RPH3A: variants seen among roughly 807,000 people sequenced by gnomAD.
RPH3A encodes the protein rabphilin-3A.
RPH3A carries 48 observed loss-of-function variants against 102.2 expected under a neutral mutation model. The observed-to-expected ratio is 0.47, with a 90% confidence interval of 0.37 to 0.60. The LOEUF (loss-of-function observed/expected upper bound fraction) is 0.60, where lower values mean the gene tolerates loss of function less well. Ranked by LOEUF, RPH3A falls within the 20% of genes least tolerant of loss-of-function variation. The pLI is 0.00. For missense variants in RPH3A, 781 were observed against 910.1 expected (o/e 0.86, Z 1.83); for synonymous variants, 310 against 324.3 (o/e 0.96, Z 0.47).
chr12:112,821,001 C>T (rs1303635114), intron 2 of RPH3A, among the ~76,000 whole-genome samples: 1 of 152,224 alleles, frequency 6.6e-6, no homozygotes, highest in East Asian at 1.9e-4. Flanking sequence ...CTTGTCGTTT[C>T]AGCCTTAGTC....
chr12:112,721,033 G>A (rs7312122), intron 1 of RPH3A, among the ~76,000 whole-genome samples: 22,921 of 152,010 alleles, frequency 0.15, 1,813 homozygotes, highest in South Asian at 0.2. Context: ...TTAAACTTTG[G>A]TTTCTCATCC....
At chr12:112,841,395 A>C (rs1384471885) in intron 4 of RPH3A, among the ~76,000 whole-genome samples, 1 of 152,012 alleles carries the variant, frequency 6.6e-6, no homozygotes, top group Non-Finnish European at 1.5e-5. Context: ...GCAGGATAGC[A>C]TGGTGATTTG....
At chr12:112,790,748 G>A (rs2041090460), upstream of RPH3A, among the ~76,000 whole-genome samples, 1 of 152,174 alleles carries the variant, frequency 6.6e-6, no homozygotes, top group South Asian at 2.1e-4. Flanking sequence ...TTCGGGGAAG[G>A]CTCTTTGGCC....
intron 1 of RPH3A, among the ~76,000 whole-genome samples, chr12:112,729,034 T>A (rs551867909): frequency 5.3e-5 from 8 of 152,242 alleles, no homozygotes; most frequent in Non-Finnish European, 1.2e-4. Flanking sequence ...CACAAAAGTG[T>A]CACTTAGCAT....
intron 18 of RPH3A, 146 bp from the exon 19 acceptor site, chr12:112,890,703 G>A (rs2043078866): frequency 3.7e-6 from 3 of 821,654 alleles, no homozygotes; most frequent in Non-Finnish European, 3.8e-6. Flanking sequence ...CTCTTTGGAG[G>A]CTAAGCCATC....
chr12:112,648,775 A>G (rs2039953348), intron 1 of RPH3A, among the ~76,000 whole-genome samples: 1 of 148,860 alleles, frequency 6.7e-6, no homozygotes, highest in African/African-American at 2.5e-5. Flanking sequence ...AATGGAAATT[A>G]CTGATTTAAA....
chr12:112,752,974 T>C (rs200790531), intron 1 of RPH3A, among the ~76,000 whole-genome samples: 14,901 of 148,792 alleles, frequency 0.1, 725 homozygotes, highest in Middle Eastern at 0.13. Flanking sequence ...TTTTCTTTTT[T>C]TTTTTTTTTT....
chr12:112,826,098 G>A (rs971160576), intron 2 of RPH3A, among the ~76,000 whole-genome samples: 7 of 141,912 alleles, frequency 4.9e-5, no homozygotes, highest in South Asian at 2.2e-4. Context: ...TCCCTACACC[G>A]ACCCCGCTGT....
chr12:112,875,728 A>C lies in RPH3A; in HGVS notation c.933A>C (p.Pro311=). 6.2e-7 allele frequency: 1 copy of C among 1,613,916 alleles called. No individual in the cohort carries two copies. Among genetic ancestry groups the C allele is most frequent in the Non-Finnish European group, 8.5e-7 (1 of 1,179,932 alleles). ...GTCCTGGGCCAGCAGGACGCTTTCC[A>C]GATCAGAAGCCAGGCAAGTATCTGC... ...RPGPGPAGRF[P]DQKPEVAPSD... Residue 311 remains proline, a synonymous_variant, in exon 12 of 22, where the codon CCA becomes CCC. Transcript: ENST00000389385.
intron 1 of RPH3A, among the ~76,000 whole-genome samples, chr12:112,663,300 T>C (rs1170206799): frequency 6.6e-6 from 1 of 151,962 alleles, no homozygotes; most frequent in Non-Finnish European, 1.5e-5. Context: ...GCCTTGAACT[T>C]CTGGGCTTAA....
At chr12:112,622,428 C>T (rs1201898019) in intron 1 of RPH3A, among the ~76,000 whole-genome samples, 1 of 72,248 alleles carries the variant, frequency 1.4e-5, no homozygotes, top group African/African-American at 5.9e-5. Context: ...CCTCAGGAGC[C>T]GATGCGATCA....
At chr12:112,628,882 G>A (rs1014738947) in intron 1 of RPH3A, among the ~76,000 whole-genome samples, 1 of 152,110 alleles carries the variant, frequency 6.6e-6, no homozygotes, top group African/African-American at 2.4e-5. Flanking sequence ...GAAAAAGCAG[G>A]GAGACCAGGG....
chr12:112,812,145 G>A (rs1444708663), intron 2 of RPH3A, among the ~76,000 whole-genome samples: 4 of 152,106 alleles, frequency 2.6e-5, no homozygotes, highest in Admixed American at 2.6e-4. Context: ...AACCAACTTT[G>A]AGTCAATTAT....
At chr12:112,809,014 T>C (rs150492776) in intron 2 of RPH3A, among the ~76,000 whole-genome samples, 2 of 152,262 alleles carry the variant, frequency 1.3e-5, no homozygotes, top group East Asian at 3.9e-4. Context: ...GGTCCTTGCA[T>C]TGACGTTTTA....
At chr12:112,861,551 G>A (rs2042513205) in intron 5 of RPH3A, among the ~76,000 whole-genome samples, 1 of 152,228 alleles carries the variant, frequency 6.6e-6, no homozygotes, top group Non-Finnish European at 1.5e-5. Context: ...TGTAGCAGCT[G>A]AGAACAGGGA....
intron 8 of RPH3A, chr12:112,869,394 G>A (rs192684562): frequency 4.9e-4 from 99 of 200,930 alleles, no homozygotes; most frequent in Non-Finnish European, 7.1e-4. Flanking sequence ...TCCTGACAAG[G>A]CAAGAGCAAT....
intron 1 of RPH3A, among the ~76,000 whole-genome samples, chr12:112,763,528 G>A (rs2040868372): frequency 6.6e-6 from 1 of 152,188 alleles, no homozygotes; most frequent in Non-Finnish European, 1.5e-5. Flanking sequence ...TCCAACAATT[G>A]GTTGAGAAAG....
intron 1 of RPH3A, among the ~76,000 whole-genome samples, chr12:112,727,444 C>CAG (rs1388653900): frequency 2.7e-4 from 3 of 11,014 alleles, no homozygotes; most frequent in African/African-American, 2.0e-3. Flanking sequence ...CACATACATA[C>CAG]ACACACAGAC....
intron 2 of RPH3A, among the ~76,000 whole-genome samples, chr12:112,797,999 C>A (rs2041267633): frequency 1.3e-5 from 2 of 152,216 alleles, no homozygotes; most frequent in South Asian, 4.1e-4. Context: ...AAAAGTGATT[C>A]TTCTTAGCCC....
Sources: gnomAD v4.1 joint callset for allele counts (sites outside exome capture counted in the v4.1 genomes callset) on GRCh38, gnomAD v4.1.1 for gene constraint, MANE v1.5 for transcripts, NCBI Gene and HGNC (gene_info 2026-07-23, HGNC 2026-07-21) for gene names.